CDH4: variants seen among roughly 807,000 people sequenced by gnomAD.
CDH4 encodes cadherin 4, also known as cadherin-4.
In CDH4, 33 loss-of-function variants were observed where a neutral mutation model predicts 86.0. That is an observed-to-expected ratio of 0.38 (90% CI 0.29 to 0.51). CDH4 has a LOEUF of 0.51. Among genes scored for constraint, CDH4 ranks in the 20% least tolerant of loss-of-function variants. The probability of loss-of-function intolerance (pLI) is 0.86; values close to 1 mark genes in which losing one functional copy is unlikely to be tolerated. For synonymous variants in CDH4, 555 were observed against 549.4 expected (o/e 1.01, Z -0.14); for missense variants, 1,114 against 1,307.4 (o/e 0.85, Z 2.28).
chr20:61,307,091 C>T (rs982078914), intron 2 of CDH4, among the ~76,000 whole-genome samples: 7 of 147,756 alleles, frequency 4.7e-5, no homozygotes, highest in East Asian at 4.0e-4. Flanking sequence ...GACAGAGCAG[C>T]GGCTCAGAGG....
At chr20:61,656,388 C>T (rs1428881177) in intron 2 of CDH4, among the ~76,000 whole-genome samples, 1 of 148,680 alleles carries the variant, frequency 6.7e-6, no homozygotes, top group African/African-American at 2.5e-5. Context: ...TGGGCAGGTG[C>T]CTGACTGGAG....
At chr20:61,351,147 G>A (rs932103790) in intron 2 of CDH4, among the ~76,000 whole-genome samples, 4 of 152,200 alleles carry the variant, frequency 2.6e-5, no homozygotes, top group Non-Finnish European at 4.4e-5. Flanking sequence ...AAGGTCAGGT[G>A]ATGGCCATTT....
intron 2 of CDH4, among the ~76,000 whole-genome samples, chr20:61,587,799 G>T (rs915087989): frequency 2.0e-5 from 3 of 152,110 alleles, no homozygotes; most frequent in Admixed American, 6.5e-5. Flanking sequence ...ATTATTTATT[G>T]TTTTTTTAAT....
Position 61,647,525 on chromosome 20 carries a change from T to TCTCTCTCTCTCTCTCTCTC in CDH4, c.170-96038_170-96037insCTCTCTCTCTCTCTCTCTC, listed in dbSNP as rs1444445171. 4.6e-4 allele frequency among the ~76,000 whole-genome samples: 32 copies of TCTCTCTCTCTCTCTCTCTC among 69,848 alleles called. 3 individuals carry two copies. Among genetic ancestry groups the TCTCTCTCTCTCTCTCTCTC allele is most frequent in the African/African-American group, 1.2e-3 (22 of 19,038 alleles). 45.8% of individuals were successfully genotyped at this position (69,848 alleles called of 152,430 possible). A position where few individuals can be genotyped will look rare whatever the true frequency, so the allele number is the denominator to read the frequency against. ...AAACACATCAGTATGCACACACATA[T>TCTCTCTCTCTCTCTCTCTC]TCTCTCTCCCTCTCCCTCTCCCTCT... is the stretch of plus-strand genomic sequence containing the variant. On this transcript the variant is annotated intron_variant, in intron 2 of 15. Transcript: ENST00000614565.
At chr20:61,831,877 A>T (rs921559171) in intron 4 of CDH4, among the ~76,000 whole-genome samples, 3 of 152,242 alleles carry the variant, frequency 2.0e-5, no homozygotes, top group Admixed American at 6.5e-5. Flanking sequence ...CGAGAGGCTC[A>T]TGGCTTCCAG....
At chr20:61,492,661 A>C (rs187413501) in intron 2 of CDH4, among the ~76,000 whole-genome samples, 1 of 152,298 alleles carries the variant, frequency 6.6e-6, no homozygotes, top group Admixed American at 6.5e-5. Flanking sequence ...CGTGGTGAAA[A>C]TATCAGATGA....
At chr20:61,589,311 C>T (rs989451327) in intron 2 of CDH4, among the ~76,000 whole-genome samples, 7 of 152,052 alleles carry the variant, frequency 4.6e-5, no homozygotes, top group African/African-American at 1.4e-4. Context: ...GATGTTAAAA[C>T]GAAAAAGGTT....
chr20:61,816,814 C>T (rs1980742382), intron 4 of CDH4, among the ~76,000 whole-genome samples: 1 of 152,224 alleles, frequency 6.6e-6, no homozygotes, highest in South Asian at 2.1e-4. Flanking sequence ...CTGGGACACT[C>T]CCATCAGCAG....
intron 4 of CDH4, among the ~76,000 whole-genome samples, chr20:61,835,065 A>G (rs11699047): frequency 1.3e-5 from 2 of 151,912 alleles, no homozygotes; most frequent in Non-Finnish European, 2.9e-5. Flanking sequence ...AAGAATACAG[A>G]GTTCATTTTT....
At position 61,872,191 on chromosome 20, in the gene CDH4, G is replaced by A. The variant is rs375454400; in HGVS notation, c.878-1537G>A. ...CAAATGTCCAACAGGGCATCTGTGT[G>A]CCAGGTCACAGGGACAGCATGGACC... On this transcript the variant is annotated intron_variant, in intron 6 of 15. Coordinates refer to ENST00000614565, the MANE Select transcript of CDH4 (RefSeq NM_001794.5). 1.1e-3 allele frequency among the ~76,000 whole-genome samples: 173 copies of A among 152,330 alleles called. 9 individuals are homozygous for A. The South Asian group carries it at 0.034, about 30-fold the overall frequency.
At chr20:61,486,396 C>T (rs940539783) in intron 2 of CDH4, among the ~76,000 whole-genome samples, 6 of 152,316 alleles carry the variant, frequency 3.9e-5, no homozygotes, top group South Asian at 2.1e-4. Context: ...CCTGTGTCCC[C>T]GTGGGGCCCT....
At chr20:61,755,825 A>C (rs2145961572) in intron 3 of CDH4, among the ~76,000 whole-genome samples, 1 of 152,326 alleles carries the variant, frequency 6.6e-6, no homozygotes, top group African/African-American at 2.4e-5. Flanking sequence ...CATTCCACAC[A>C]GTACACACGT....
intron 2 of CDH4, among the ~76,000 whole-genome samples, chr20:61,301,995 A>G (rs939868225): frequency 2.0e-5 from 3 of 152,260 alleles, no homozygotes; most frequent in Non-Finnish European, 4.4e-5. Flanking sequence ...AAGTTGCCCA[A>G]AACGTCTCCA....
chr20:61,449,372 C>T (rs1010635687), intron 2 of CDH4, among the ~76,000 whole-genome samples: 3 of 152,210 alleles, frequency 2.0e-5, no homozygotes, highest in African/African-American at 7.2e-5. Context: ...TGCTCCCAAG[C>T]TCTGTGCAAA....
intron 2 of CDH4, among the ~76,000 whole-genome samples, chr20:61,605,963 C>T (rs6089432): frequency 0.56 from 84,435 of 151,418 alleles, 26,722 homozygotes; most frequent in Non-Finnish European, 0.7. Context: ...CATGATTTGC[C>T]CCTGGGATGA....
intron 2 of CDH4, among the ~76,000 whole-genome samples, chr20:61,491,916 ACTGATGTTGCTGATACTGTTAGTGGTG>A (rs2085627993): frequency 6.7e-6 from 1 of 150,158 alleles, no homozygotes; most frequent in South Asian, 2.1e-4. Flanking sequence ...TGCTGGTGGT[ACTGATGTTGCTGATACTGTTAGTGGTG>A]CTGATGTTGG....
chr20:61,650,452 A>G (rs532866182), intron 2 of CDH4, among the ~76,000 whole-genome samples: 4 of 152,214 alleles, frequency 2.6e-5, no homozygotes, highest in Non-Finnish European at 5.9e-5. Flanking sequence ...TAAGATATAT[A>G]TGTACTGCGT....
chr20:61,333,979 A>G (rs181249698), intron 2 of CDH4, among the ~76,000 whole-genome samples: 163 of 152,278 alleles, frequency 1.1e-3, no homozygotes, highest in Non-Finnish European at 2.0e-3. Context: ...TGGGTAGGTA[A>G]GTCTTGACTC....
At chr20:61,654,187 C>T (rs933797873) in intron 2 of CDH4, among the ~76,000 whole-genome samples, 2 of 152,312 alleles carry the variant, frequency 1.3e-5, no homozygotes, top group Non-Finnish European at 2.9e-5. Flanking sequence ...CCTCGGGAGG[C>T]CAAGGCTGGC....
Sources: allele counts gnomAD v4.1 joint callset (sites outside exome capture counted in the v4.1 genomes callset), GRCh38; gene constraint gnomAD v4.1.1; transcripts MANE v1.5; gene names NCBI Gene and HGNC (gene_info 2026-07-23, HGNC 2026-07-21).